Variants in MPPED2 observed in about 807,000 individuals in gnomAD.
MPPED2 encodes the protein metallophosphoesterase domain containing 2, also known as metallophosphoesterase MPPED2.
MPPED2 carries 5 observed loss-of-function variants against 33.0 expected under a neutral mutation model. The observed-to-expected ratio is 0.15, with a 90% CI of 0.08 to 0.32. The LOEUF is 0.32. MPPED2 is among the 10% of genes least tolerant of loss of function. The pLI, the probability that MPPED2 is intolerant of heterozygous loss-of-function variation, is 1.00. For missense variants in MPPED2, 275 were observed against 372.1 expected (o/e 0.74, Z 2.15); for synonymous variants, 136 against 141.9 (o/e 0.96, Z 0.29).
At chr11:30,542,354 C>T (rs1388245815) in intron 2 of MPPED2, among the ~76,000 whole-genome samples, 1 of 149,646 alleles carries the variant, frequency 6.7e-6, no homozygotes, top group Non-Finnish European at 1.5e-5. Flanking sequence ...TGGCTCATGT[C>T]TGTAATCCCA....
At chr11:30,462,109 A>G (rs1374240828) in intron 4 of MPPED2, among the ~76,000 whole-genome samples, 1 of 152,228 alleles carries the variant, frequency 6.6e-6, no homozygotes, top group Non-Finnish European at 1.5e-5. Flanking sequence ...AAACTTGGAA[A>G]GCTTTGCCCT....
downstream of MPPED2, among the ~76,000 whole-genome samples, chr11:30,406,741 A>G (rs993915361): frequency 6.6e-6 from 1 of 152,190 alleles, no homozygotes; most frequent in African/African-American, 2.4e-5. Context: ...CTTCCGTGAA[A>G]CCACACATTA....
At chr11:30,580,610 TG>T in intron 1 of MPPED2, 116 bp from the exon 2 acceptor site, 4 of 1,014,510 alleles carry the variant, frequency 3.9e-6, no homozygotes, top group Non-Finnish European at 4.1e-6. Flanking sequence ...GAATATGTGT[TG>T]TTGGCTCATG....
intron 2 of MPPED2, among the ~76,000 whole-genome samples, chr11:30,553,607 C>T (rs781311437): frequency 8.5e-5 from 13 of 152,132 alleles, no homozygotes; most frequent in Non-Finnish European, 1.3e-4. Context: ...AAATCTTCAC[C>T]GTTCCTGTTA....
At chr11:30,505,226 T>C (rs2134267138) in intron 3 of MPPED2, among the ~76,000 whole-genome samples, 1 of 152,334 alleles carries the variant, frequency 6.6e-6, no homozygotes, top group East Asian at 1.9e-4. Context: ...ACTCCTTATT[T>C]GTAAGCATTC....
At chr11:30,570,546 G>A (rs193186954) in intron 2 of MPPED2, among the ~76,000 whole-genome samples, 6 of 152,148 alleles carry the variant, frequency 3.9e-5, no homozygotes, top group East Asian at 1.9e-4. Flanking sequence ...GATAGGCTTC[G>A]GTGGTTATCT....
At chr11:30,574,296 T>A (rs1332618781) in intron 2 of MPPED2, among the ~76,000 whole-genome samples, 1 of 152,186 alleles carries the variant, frequency 6.6e-6, no homozygotes, top group Non-Finnish European at 1.5e-5. Flanking sequence ...TACACAATAG[T>A]TATTATTGTG....
chr11:30,438,681 A>T lies in MPPED2; in HGVS notation c.537-21048T>A, dbSNP rs187484707. Among the ~76,000 whole-genome samples, 651 of 152,354 alleles carry T rather than the reference A, an allele frequency of 4.3e-3. 2 individuals are homozygous for T. The highest frequency in any genetic ancestry group is 7.1e-3 in the Non-Finnish European group (482 of 68,032). On this transcript the variant is annotated intron_variant, in intron 4 of 6. Transcript: ENST00000358117. Reference sequence around the variant, plus strand: ...GCTTCAGCTTCTTTAGGTGAAAGACATTACTATTCTCGATCCTATCTGTAC... The same window carrying T: ...GCTTCAGCTTCTTTAGGTGAAAGACTTTACTATTCTCGATCCTATCTGTAC...
At chr11:30,462,535 T>C (rs1378814624) in intron 4 of MPPED2, among the ~76,000 whole-genome samples, 1 of 152,216 alleles carries the variant, frequency 6.6e-6, no homozygotes, top group African/African-American at 2.4e-5. Flanking sequence ...CAATTAGTCT[T>C]TTTAAAATTT....
At chr11:30,567,286 T>G (rs969008894) in intron 2 of MPPED2, among the ~76,000 whole-genome samples, 1 of 152,192 alleles carries the variant, frequency 6.6e-6, no homozygotes, top group Admixed American at 6.5e-5. Flanking sequence ...GAAATCATTT[T>G]GCGATCAACA....
At chr11:30,524,959 T>A (rs994008664) in intron 3 of MPPED2, among the ~76,000 whole-genome samples, 2 of 152,202 alleles carry the variant, frequency 1.3e-5, no homozygotes, top group Admixed American at 6.5e-5. Context: ...CACTCCATTC[T>A]AACAATAAAA....
At chr11:30,393,194 T>C (rs1197809772) in intron 6 of MPPED2, among the ~76,000 whole-genome samples, 1 of 152,142 alleles carries the variant, frequency 6.6e-6, no homozygotes, top group African/African-American at 2.4e-5. Flanking sequence ...AGGACATCAC[T>C]GGAAGCCCAC....
exon 7 of MPPED2, chr11:30,388,650 C>G (rs1947731566): frequency 2.7e-6 from 1 of 374,940 alleles, no homozygotes; most frequent in Non-Finnish European, 4.8e-6. Context: ...TGCACTGGCC[C>G]CACCTCCCCA....
chr11:30,535,624 T>C (rs552729092), intron 3 of MPPED2, among the ~76,000 whole-genome samples: 1 of 152,272 alleles, frequency 6.6e-6, no homozygotes, highest in South Asian at 2.1e-4. Context: ...GTCATTTGTA[T>C]ATCTTTGCTT....
chr11:30,530,937 T>C lies in MPPED2; in HGVS notation c.310+5057A>G, dbSNP rs1954486921. On this transcript the variant is annotated intron_variant, in intron 3 of 6. Coordinates refer to ENST00000358117, the MANE Select transcript of MPPED2 (RefSeq NM_001584.3). ...TAGAGAATGTGGTATTAGAAGCCAC[T>C]GATGTTCAAGGCAATAAAAATAATC... Among the ~76,000 whole-genome samples the C allele has an allele frequency of 3.3e-5, 5 of 152,192 alleles. No homozygotes were observed. In the South Asian group the frequency reaches 1.0e-3, roughly 32 times the overall value.
intron 4 of MPPED2, among the ~76,000 whole-genome samples, chr11:30,434,650 C>T (rs961676100): frequency 1.8e-4 from 27 of 152,178 alleles, no homozygotes; most frequent in African/African-American, 6.5e-4. Flanking sequence ...ATAACACAGT[C>T]TAACTCCAAT....
rs149601810 is a variant in MPPED2 at position 30,421,798 on chromosome 11, ATCTTAG to A, written c.537-4171_537-4166del. ...TAAAAGTAAGGCTGCTCCATACAGAATCTTAGTCTGTGTACTGTACAGCTCCAAGAG... is the reference window on the plus strand; with the variant it reads ...TAAAAGTAAGGCTGCTCCATACAGAATCTGTGTACTGTACAGCTCCAAGAG... On this transcript the variant is annotated intron_variant, in intron 4 of 6. Transcript: ENST00000358117. Among the ~76,000 whole-genome samples the A allele has an allele frequency of 9.8e-4, 149 of 152,288 alleles. 1 individual carries two copies. Among genetic ancestry groups the A allele is most frequent in the African/African-American group, 3.4e-3 (142 of 41,568 alleles).
At chr11:30,469,468 A>G (rs187139363) in intron 4 of MPPED2, among the ~76,000 whole-genome samples, 63 of 152,322 alleles carry the variant, frequency 4.1e-4, no homozygotes, top group African/African-American at 1.3e-3. Context: ...TCCTTTTTAT[A>G]GATGAAAAAT....
chr11:30,390,227 T>C (rs1947754237), intron 6 of MPPED2, among the ~76,000 whole-genome samples: 1 of 152,232 alleles, frequency 6.6e-6, no homozygotes, highest in South Asian at 2.1e-4. Flanking sequence ...AGCACTGGCA[T>C]GTAGAAGATA....
Sources: gnomAD v4.1 joint callset for allele counts (sites outside exome capture counted in the v4.1 genomes callset) on GRCh38, gnomAD v4.1.1 for gene constraint, MANE v1.5 for transcripts, NCBI Gene and HGNC (gene_info 2026-07-23, HGNC 2026-07-21) for gene names.